PLCXD2: variants seen among roughly 807,000 people sequenced by gnomAD.
PLCXD2 encodes PI-PLC X domain-containing protein 2.
In PLCXD2, 21 loss-of-function variants were observed where a neutral mutation model predicts 28.6. The ratio of observed to expected loss-of-function variants is 0.73; its 90% confidence interval spans 0.52 to 1.06. The LOEUF (loss-of-function observed/expected upper bound fraction) is 1.06, where lower values mean the gene tolerates loss of function less well. PLCXD2 is among the 50% of genes least tolerant of loss of function. The pLI, the probability that PLCXD2 is intolerant of heterozygous loss-of-function variation, is 0.00. For synonymous variants in PLCXD2, 140 were observed against 150.1 expected, an observed-to-expected ratio of 0.93 and a Z score of 0.49; for missense variants, 369 against 376.7, an observed-to-expected ratio of 0.98 and a Z score of 0.17.
intron 3 of PLCXD2, chr3:111,723,209 A>T (rs1168458144): frequency 6.6e-6 from 1 of 152,190 alleles, no homozygotes; most frequent in East Asian, 1.9e-4. Context: ...AGGAGGCAAG[A>T]GGAGAATTAC....
chr3:111,680,907 C>A, intron 1 of PLCXD2, among the ~76,000 whole-genome samples: 1 of 151,982 alleles, frequency 6.6e-6, no homozygotes, highest in African/African-American at 2.4e-5. Context: ...TGCTTTCTCT[C>A]ACAAAATAAG....
intron 1 of PLCXD2, among the ~76,000 whole-genome samples, chr3:111,697,850 T>TTTAC (rs1653333179): frequency 6.6e-6 from 1 of 151,948 alleles, no homozygotes; most frequent in African/African-American, 2.4e-5. Context: ...ACTGTATTTA[T>TTTAC]TTCCAAGTAC....
intron 1 of PLCXD2, chr3:111,676,926 G>C (rs1022043966): frequency 1.3e-5 from 2 of 152,350 alleles, no homozygotes; most frequent in African/African-American, 4.8e-5. Flanking sequence ...CTCCAGCTCT[G>C]CTAGTGGGTT....
chr3:111,711,223 G>A (rs771051478), intron 2 of PLCXD2, among the ~76,000 whole-genome samples: 29 of 152,032 alleles, frequency 1.9e-4, no homozygotes, highest in Non-Finnish European at 2.8e-4. Flanking sequence ...GGCCAACGTG[G>A]TGAAACCCCA....
At chr3:111,706,150 T>C (rs1432062093) in intron 1 of PLCXD2, among the ~76,000 whole-genome samples, 1 of 152,222 alleles carries the variant, frequency 6.6e-6, no homozygotes, top group Admixed American at 6.5e-5. Flanking sequence ...TGAGCTACCA[T>C]GCCCATCTGT....
intron 1 of PLCXD2, among the ~76,000 whole-genome samples, chr3:111,689,057 A>G (rs763937536): frequency 2.0e-4 from 30 of 152,184 alleles, no homozygotes; most frequent in Non-Finnish European, 4.3e-4. Flanking sequence ...TAAAAGCAGA[A>G]TGAGGTGAGT....
At chr3:111,720,291 T>C (rs7427989) in intron 3 of PLCXD2, among the ~76,000 whole-genome samples, 147,939 of 152,166 alleles carry the variant, frequency 0.97, 71,937 homozygotes, top group East Asian at 1. Flanking sequence ...GCCTCAACCT[T>C]CCAGGCTCAG....
chr3:111,716,474 G>A lies in PLCXD2; in HGVS notation c.866+2346G>A, dbSNP rs761206584. On this transcript the variant is annotated intron_variant, in intron 3 of 4. Transcript: ENST00000477665. ...ATCTTGTTCATTTTGGTTCAACACC[G>A]TAGAAGGAAGCCACAAGAAATATAG... is the stretch of plus-strand genomic sequence containing the variant. Among the ~76,000 whole-genome samples the A allele has an allele frequency of 3.9e-5, 6 of 152,192 alleles. No homozygotes were observed. In the East Asian group the frequency reaches 5.8e-4, roughly 15 times the overall value.
At chr3:111,708,523 C>A in intron 2 of PLCXD2, 137 bp downstream of exon 2, 1 of 823,286 alleles carries the variant, frequency 1.2e-6, no homozygotes. Flanking sequence ...TAAACATATG[C>A]AAACTAGTTC....
chr3:111,675,505 A>G, intron 1 of PLCXD2, 97 bp downstream of exon 1: 3 of 1,407,520 alleles, frequency 2.1e-6, no homozygotes, highest in Non-Finnish European at 1.0e-6. Context: ...TGAGAAATTA[A>G]TTGTCAGTGA....
intron 1 of PLCXD2, among the ~76,000 whole-genome samples, chr3:111,690,461 T>G (rs1243846555): frequency 6.6e-6 from 1 of 152,164 alleles, no homozygotes; most frequent in Non-Finnish European, 1.5e-5. Context: ...TATGTAGTAA[T>G]CACCCAGCAA....
At chr3:111,700,654 T>C (rs1200420532) in intron 1 of PLCXD2, among the ~76,000 whole-genome samples, 1 of 152,176 alleles carries the variant, frequency 6.6e-6, no homozygotes, top group African/African-American at 2.4e-5. Flanking sequence ...TTAGAAAATG[T>C]CATATTAATA....
intron 2 of PLCXD2, among the ~76,000 whole-genome samples, chr3:111,712,242 T>A (rs2107866897): frequency 6.6e-6 from 1 of 152,318 alleles, no homozygotes; most frequent in Non-Finnish European, 1.5e-5. Flanking sequence ...TTGTACTTAA[T>A]GCACTTTTTC....
rs1344781175 is a variant in PLCXD2, at chr3:111,708,336, T to G, written c.574T>G (p.Cys192Gly). The change falls in exon 2 of 5, where the codon TGC (cysteine) becomes GGC (glycine). Residue 192 changes from cysteine (C) to glycine (G), a missense_variant. Coordinates refer to ENST00000477665, the MANE Select transcript of PLCXD2 (RefSeq NM_001185106.1). The stretch of plus-strand genomic sequence containing the variant: ...CTTTGGAAACAAGCTGTGCCCAGCC[T>G]GCAGTGTGGAAAGTTTGACGCTGCG... 6.2e-7 allele frequency: 1 copy of G among 1,614,140 alleles called. No homozygotes were observed. The highest frequency in any genetic ancestry group is 1.1e-5 in the South Asian group (1 of 91,074).
intron 1 of PLCXD2, among the ~76,000 whole-genome samples, chr3:111,682,574 T>C (rs752888374): frequency 6.6e-6 from 1 of 152,004 alleles, no homozygotes; most frequent in Non-Finnish European, 1.5e-5. Flanking sequence ...TGTCTTGGAG[T>C]GTGGCAGCAG....
chr3:111,700,093 C>G (rs1378141126), intron 1 of PLCXD2, among the ~76,000 whole-genome samples: 1 of 152,154 alleles, frequency 6.6e-6, no homozygotes, highest in Non-Finnish European at 1.5e-5. Context: ...GCTTCCGTCC[C>G]AGAGAGATTT....
chr3:111,686,560 G>T (rs4481128), intron 1 of PLCXD2, among the ~76,000 whole-genome samples: 63,367 of 151,954 alleles, frequency 0.42, 13,560 homozygotes, highest in African/African-American at 0.52. Context: ...TGGTTCAAGG[G>T]ACTACTAAGT....
intron 3 of PLCXD2, among the ~76,000 whole-genome samples, chr3:111,718,511 AGATAGATAGATAGATAGATAGATT>A (rs1011538457): frequency 4.0e-5 from 5 of 124,616 alleles, no homozygotes; most frequent in Non-Finnish European, 5.3e-5. Context: ...ATAGATAGAT[AGATAGATAGATAGATAGATAGATT>A]GATTGATTTA....
Position 111,675,111 on chromosome 3 carries a change from G to C in PLCXD2, c.-135G>C. 9.7e-7 allele frequency: 1 copy of C among 1,032,652 alleles called. No individual in the cohort carries two copies. The highest frequency in any genetic ancestry group is 2.4e-5 in the East Asian group (1 of 41,280). 64.0% of individuals were successfully genotyped at this position (1,032,652 alleles called of 1,614,324 possible). ...GGGTAAGGATCCATCTGTTTGCCCC[G>C]TCCCCCAGCCAGAAAGGCATTTTGG... On this transcript the variant is annotated 5_prime_UTR_variant, in exon 1 of 5. Coordinates refer to ENST00000477665, the MANE Select transcript of PLCXD2 (RefSeq NM_001185106.1).
Sources: allele counts gnomAD v4.1 joint callset (sites outside exome capture counted in the v4.1 genomes callset), GRCh38; gene constraint gnomAD v4.1.1; transcripts MANE v1.5; gene names NCBI Gene and HGNC (gene_info 2026-07-23, HGNC 2026-07-21).